MECOM: variants seen among roughly 807,000 people sequenced by gnomAD.
MECOM encodes the protein histone-lysine N-methyltransferase MECOM.
In MECOM, 13 loss-of-function variants were observed where a neutral mutation model predicts 116.3. That is an observed-to-expected ratio of 0.11 (90% CI 0.07 to 0.18). The LOEUF is 0.18. MECOM is among the 10% of genes least tolerant of loss of function. MECOM has a pLI of 1.00. For missense variants in MECOM, 1,299 were observed against 1,509.0 expected (o/e 0.86, Z 2.31); for synonymous variants, 528 against 535.2 (o/e 0.99, Z 0.19).
In MECOM at chr3:169,663,474, G is replaced by GTCTCTC. The variant is rs71166260; in HGVS notation, c.-108_-103dup. On this transcript the variant is annotated 5_prime_UTR_variant, in exon 1 of 17. Coordinates refer to ENST00000651503, the MANE Select transcript of MECOM (RefSeq NM_004991.4). ...CTCTCGCTCCCTCCCTCTCTCTCCT[G>GTCTCTC]TCTCTCTCTCTCTCTCTCTCTCTCT... The GTCTCTC allele has an allele frequency of 2.0e-3, 1,122 of 568,456 alleles. No individual in the cohort carries two copies. Among genetic ancestry groups the GTCTCTC allele is most frequent in the East Asian group, 5.9e-3 (137 of 23,404 alleles). 35.2% of individuals were successfully genotyped at this position (568,456 alleles called of 1,614,324 possible).
At chr3:169,167,462 C>T (rs902328732) in intron 2 of MECOM, among the ~76,000 whole-genome samples, 1 of 152,138 alleles carries the variant, frequency 6.6e-6, no homozygotes, top group African/African-American at 2.4e-5. Context: ...AACTCAAGGT[C>T]CCGCATGATG....
chr3:169,229,142 G>A (rs1362314299), intron 2 of MECOM, among the ~76,000 whole-genome samples: 1 of 152,074 alleles, frequency 6.6e-6, no homozygotes, highest in African/African-American at 2.4e-5. Flanking sequence ...CTTCCAGAGG[G>A]GTTCCATAAA....
intron 2 of MECOM, among the ~76,000 whole-genome samples, chr3:169,305,222 A>G (rs1420225331): frequency 1.3e-5 from 2 of 152,122 alleles, no homozygotes; most frequent in African/African-American, 4.8e-5. Flanking sequence ...AATTCATAAT[A>G]TAATCATATT....
At chr3:169,637,171 A>C (rs912117325) in intron 1 of MECOM, among the ~76,000 whole-genome samples, 1 of 152,092 alleles carries the variant, frequency 6.6e-6, no homozygotes, top group African/African-American at 2.4e-5. Context: ...AAGAACCTCA[A>C]CTGAACTCTG....
At chr3:169,156,521 A>G (rs1197886451) in intron 2 of MECOM, among the ~76,000 whole-genome samples, 1 of 152,214 alleles carries the variant, frequency 6.6e-6, no homozygotes, top group East Asian at 1.9e-4. Context: ...ATTTTATTCA[A>G]ATTGAAAGCA....
chr3:169,441,684 A>G (rs896332684), intron 1 of MECOM, among the ~76,000 whole-genome samples: 3 of 151,904 alleles, frequency 2.0e-5, no homozygotes, highest in Admixed American at 1.3e-4. Context: ...AATATCAGAA[A>G]TAAAAGATGC....
chr3:169,276,350 G>C (rs1337157225), intron 2 of MECOM, among the ~76,000 whole-genome samples: 1 of 152,060 alleles, frequency 6.6e-6, no homozygotes, highest in Non-Finnish European at 1.5e-5. Flanking sequence ...TCAGGAATTT[G>C]AGATCAGCCT....
intron 2 of MECOM, among the ~76,000 whole-genome samples, chr3:169,169,318 C>A (rs1417118553): frequency 6.6e-6 from 1 of 152,088 alleles, no homozygotes; most frequent in Non-Finnish European, 1.5e-5. Flanking sequence ...AGACTTGAAA[C>A]TATGATAAGA....
chr3:169,302,248 T>G (rs1716874119), intron 2 of MECOM, among the ~76,000 whole-genome samples: 1 of 152,178 alleles, frequency 6.6e-6, no homozygotes, highest in Non-Finnish European at 1.5e-5. Context: ...TAGCACAGTC[T>G]TAGACAATAG....
At chr3:169,630,507 C>G (rs1771957346) in intron 1 of MECOM, among the ~76,000 whole-genome samples, 1 of 149,160 alleles carries the variant, frequency 6.7e-6, no homozygotes, top group Non-Finnish European at 1.5e-5. Context: ...GGCTGAAATA[C>G]AGTGGTATGA....
At chr3:169,127,695 C>T in intron 5 of MECOM, 149 bp downstream of exon 5, 1 of 635,378 alleles carries the variant, frequency 1.6e-6, no homozygotes, top group African/African-American at 1.8e-5. Context: ...ATGAGAATAT[C>T]CAGGCAAATA....
intron 1 of MECOM, among the ~76,000 whole-genome samples, chr3:169,488,588 C>T (rs1752691123): frequency 1.3e-5 from 2 of 151,786 alleles, no homozygotes; most frequent in South Asian, 4.2e-4. Flanking sequence ...CACTATTTTT[C>T]CAGTTTATGT....
chr3:169,218,428 A>G (rs530914694), intron 2 of MECOM, among the ~76,000 whole-genome samples: 3 of 152,204 alleles, frequency 2.0e-5, no homozygotes, highest in Admixed American at 1.3e-4. Flanking sequence ...AATGATCCCA[A>G]TAATGCCACA....
At chr3:169,502,052 G>A (rs1232639904) in intron 1 of MECOM, among the ~76,000 whole-genome samples, 1 of 151,976 alleles carries the variant, frequency 6.6e-6, no homozygotes, top group African/African-American at 2.4e-5. Context: ...ACAAATTGTG[G>A]GAAAAGCAAC....
intron 2 of MECOM, among the ~76,000 whole-genome samples, chr3:169,334,198 C>G (rs533753980): frequency 1.3e-5 from 2 of 152,194 alleles, no homozygotes; most frequent in Non-Finnish European, 1.5e-5. Flanking sequence ...TTTAGCTACT[C>G]ATTTGTATTT....
At chr3:169,367,656 C>A (rs1467829411) in intron 2 of MECOM, among the ~76,000 whole-genome samples, 1 of 151,904 alleles carries the variant, frequency 6.6e-6, no homozygotes, top group African/African-American at 2.4e-5. Context: ...GAAGTATCAA[C>A]AAATTATTTT....
At chr3:169,456,921 A>T (rs992287257) in intron 1 of MECOM, among the ~76,000 whole-genome samples, 4 of 152,146 alleles carry the variant, frequency 2.6e-5, no homozygotes, top group African/African-American at 9.7e-5. Context: ...AAGGACTGAA[A>T]CCAGAAGAAC....
At chr3:169,314,938 T>A (rs556678799) in intron 2 of MECOM, among the ~76,000 whole-genome samples, 1 of 152,348 alleles carries the variant, frequency 6.6e-6, no homozygotes, top group Middle Eastern at 3.4e-3. Context: ...AACAGGCACA[T>A]TTGTTAAGTA....
intron 2 of MECOM, among the ~76,000 whole-genome samples, chr3:169,329,593 A>G (rs1012889195): frequency 1.3e-5 from 2 of 152,226 alleles, no homozygotes; most frequent in African/African-American, 4.8e-5. Flanking sequence ...CGCTCTGTCC[A>G]GTTTATATTG....
Sources: gnomAD v4.1 joint callset for allele counts (sites outside exome capture counted in the v4.1 genomes callset) on GRCh38, gnomAD v4.1.1 for gene constraint, MANE v1.5 for transcripts, NCBI Gene and HGNC (gene_info 2026-07-23, HGNC 2026-07-21) for gene names.